The following TNRC18 variants were observed in gnomAD, a reference collection of about 807,000 sequenced individuals.
The protein encoded by TNRC18 is trinucleotide repeat containing 18.
A neutral mutation model predicts 226.7 loss-of-function variants in TNRC18; 69 were observed. The observed-to-expected ratio is 0.30, with a 90% CI of 0.25 to 0.37. The LOEUF (loss-of-function observed/expected upper bound fraction) is 0.37. TNRC18 is among the 10% of genes least tolerant of loss of function. The pLI is 1.00. For missense variants in TNRC18, 4,754 were observed against 4,256.6 expected (o/e 1.12, Z -3.25); for synonymous variants, 2,449 against 1,927.6 (o/e 1.27, Z -7.09).
intron 16 of TNRC18, among the ~76,000 whole-genome samples, chr7:5,353,340 C>G (rs933272285): frequency 1.3e-4 from 20 of 152,088 alleles, no homozygotes; most frequent in African/African-American, 3.4e-4. Flanking sequence ...AGTTCGAGAC[C>G]AGCCTGGCCA....
chr7:5,395,570 G>GGTCACAGGTC (rs1780617909), intron 2 of TNRC18, among the ~76,000 whole-genome samples: 1 of 152,246 alleles, frequency 6.6e-6, no homozygotes, highest in East Asian at 1.9e-4. Context: ...ACAGGTCAGA[G>GGTCACAGGTC]AGAAGCATGC....
intron 27 of TNRC18, among the ~76,000 whole-genome samples, chr7:5,310,341 T>C (rs1002845247): frequency 1.3e-5 from 2 of 152,164 alleles, no homozygotes; most frequent in African/African-American, 2.4e-5. Context: ...GCAGTTCTCC[T>C]GCCTCAGCCT....
chr7:5,367,071 T>C (rs1392591413), intron 11 of TNRC18, among the ~76,000 whole-genome samples: 1 of 152,006 alleles, frequency 6.6e-6, no homozygotes, highest in Non-Finnish European at 1.5e-5. Flanking sequence ...CCTAATAGGG[T>C]GGAGAATTCT....
intron 2 of TNRC18, among the ~76,000 whole-genome samples, chr7:5,416,645 C>T (rs1334125060): frequency 6.6e-6 from 1 of 150,454 alleles, no homozygotes; most frequent in Non-Finnish European, 1.5e-5. Flanking sequence ...CACTTGAGGG[C>T]AGGAGTTTAA....
chr7:5,422,855 A>G (rs1370182755), intron 1 of TNRC18: 1 of 152,138 alleles, frequency 6.6e-6, no homozygotes, highest in Non-Finnish European at 1.5e-5. Flanking sequence ...CCGAGGATAC[A>G]TGTCTTAAGG....
At position 5,388,686 on chromosome 7, in the gene TNRC18, C is replaced by T. The variant is rs1391304010; in HGVS notation, c.1138G>A (p.Ala380Thr). ...VAPTFVPSVE[A>T]FDERPGPIQI... ...ATGGGCCCCGGGCGCTCGTCGAAGG[C>T]CTCCACGGAAGGCACGAAGGTGGGC... The change falls in exon 5 of 30, where the codon GCC (alanine) becomes ACC (threonine). Residue 380 changes from alanine (A) to threonine (T), a missense_variant. Ala to Thr is a moderately conservative substitution (Grantham distance 58). Transcript: ENST00000430969. The T allele has an allele frequency of 1.6e-6, 2 of 1,267,376 alleles. No individual in the cohort carries two copies. The highest frequency in any genetic ancestry group is 2.1e-5 in the South Asian group (1 of 47,700). The allele number at this position is 1,267,376 out of a possible 1,614,324, so 78.5% of individuals were successfully genotyped here.
In TNRC18 at chr7:5,309,879, G is replaced by C. The variant is rs1305838541; in HGVS notation, c.8389-511C>G. Reference sequence around the variant, plus strand: ...TGCCTCCCAAAGCACTAGGATCGCAGTGTCAGCCACTGCACCTGGCCTTAT... The same window carrying C: ...TGCCTCCCAAAGCACTAGGATCGCACTGTCAGCCACTGCACCTGGCCTTAT... On this transcript the variant is annotated intron_variant, in intron 27 of 29. Transcript: ENST00000430969. The surrounding 1 kb of genome is among the most constrained non-coding windows in gnomAD (Gnocchi z 5.7). Among the ~76,000 whole-genome samples, 1 of 152,160 alleles carries C rather than the reference G, an allele frequency of 6.6e-6. No homozygotes were observed. The highest frequency in any genetic ancestry group is 1.9e-4 in the East Asian group (1 of 5,202).
chr7:5,415,369 C>CTTTTTTTTTTTTTTTTTTTTTTTTT, intron 2 of TNRC18, among the ~76,000 whole-genome samples: 1 of 83,094 alleles, frequency 1.2e-5, no homozygotes, highest in Non-Finnish European at 2.2e-5. Context: ...CTGTGTCCCT[C>CTTTTTTTTTTTTTTTTTTTTTTTTT]TTTTTTTTTT....
Position 5,308,918 on chromosome 7 carries a change from G to T in TNRC18, c.8657C>A (p.Pro2886Gln). ...CTGGCTGGAGACCCGCAGGGCCGCC[G>T]GGAGGCTGCGGCTGGACTTCTGGTC... ...HWDQKSSRSL[P>Q]AALRVSSQRK... is the part of the protein sequence containing the mutation. The change falls in exon 29 of 30, where the codon CCG becomes CAG. Residue 2886 changes from proline (P) to glutamine (Q), a missense_variant. Pro to Gln is a moderately conservative substitution (Grantham distance 76). Transcript: ENST00000430969. The T allele has an allele frequency of 7.0e-7, 1 of 1,428,964 alleles. No homozygotes were observed. Among genetic ancestry groups the T allele is most frequent in the Non-Finnish European group, 9.4e-7 (1 of 1,067,652 alleles). The allele number at this position is 1,428,964 out of a possible 1,614,324, so 88.5% of individuals were successfully genotyped here. A position where few individuals can be genotyped will look rare whatever the true frequency, so the allele number is the denominator to read the frequency against.
chr7:5,355,706 C>T lies in TNRC18; in HGVS notation c.5194+1210G>A, dbSNP rs575002293. On this transcript the variant is annotated intron_variant, in intron 16 of 29. Coordinates refer to ENST00000430969, the MANE Select transcript of TNRC18 (RefSeq NM_001080495.3). ...CCAGCCTGGGAAACACTGCAAGACC[C>T]TGTCTCTACAAAAAATTTTAAAAAT... 1.7e-3 allele frequency among the ~76,000 whole-genome samples: 257 copies of T among 152,184 alleles called. 1 individual carries two copies. Among genetic ancestry groups the T allele is most frequent in the African/African-American group, 5.6e-3 (231 of 41,530 alleles).
At chr7:5,389,543 C>T in intron 4 of TNRC18, 2 of 491,278 alleles carry the variant, frequency 4.1e-6, no homozygotes, top group Non-Finnish European at 6.0e-6. Flanking sequence ...CAACCTCCAC[C>T]TCCTGGGTTC....
rs114222264 is a variant in TNRC18, at chr7:5,313,100, G to C, written c.7791C>G (p.Thr2597=). 2.2e-6 allele frequency: 3 copies of C among 1,392,752 alleles called. No individual in the cohort carries two copies. Among genetic ancestry groups the C allele is most frequent in the Non-Finnish European group, 3.0e-6 (3 of 1,014,120 alleles). The allele number at this position is 1,392,752 out of a possible 1,614,324, so 86.3% of individuals were successfully genotyped here. Residue 2597 remains threonine (T), a synonymous_variant, in exon 27 of 30, where the codon ACC becomes ACG. Coordinates refer to ENST00000430969, the MANE Select transcript of TNRC18 (RefSeq NM_001080495.3). The part of the protein sequence containing the change: ...GDKNGDGGCG[T]GGRNCSAASS... Reference sequence around the variant, plus strand: ...TGGCAGCGCTGCAGTTACGGCCCCCGGTGCCGCAGCCCCCGTCCCCGTTCT... The same window carrying C: ...TGGCAGCGCTGCAGTTACGGCCCCCCGTGCCGCAGCCCCCGTCCCCGTTCT...
intron 1 of TNRC18, among the ~76,000 whole-genome samples, chr7:5,421,902 G>A (rs898460468): frequency 2.0e-5 from 3 of 149,084 alleles, no homozygotes; most frequent in African/African-American, 7.8e-5. Context: ...ACGGTCCGAA[G>A]TGTCTCCCAA....
At chr7:5,418,632 A>T (rs1050347350) in intron 2 of TNRC18, among the ~76,000 whole-genome samples, 1 of 152,230 alleles carries the variant, frequency 6.6e-6, no homozygotes, top group African/African-American at 2.4e-5. Context: ...TCAACCGCTC[A>T]GGACTTCCCG....
chr7:5,395,005 G>A (rs912932236), intron 2 of TNRC18, among the ~76,000 whole-genome samples: 1 of 152,194 alleles, frequency 6.6e-6, no homozygotes, highest in African/African-American at 2.4e-5. Flanking sequence ...AAGGCGGTGG[G>A]GGACTTACAG....
At chr7:5,417,374 G>A (rs1277022875) in intron 2 of TNRC18, among the ~76,000 whole-genome samples, 3 of 151,464 alleles carry the variant, frequency 2.0e-5, no homozygotes, top group Non-Finnish European at 4.4e-5. Context: ...GGAGGCTGAG[G>A]TAGGAGGATG....
chr7:5,332,997 C>T lies in TNRC18; in HGVS notation c.5772G>A (p.Arg1924=). 1 of 1,575,116 alleles carries T rather than the reference C, an allele frequency of 6.3e-7. No homozygotes were observed. The highest frequency in any genetic ancestry group is 1.1e-5 in the South Asian group (1 of 87,182). Residue 1924 remains arginine (R), a synonymous_variant, in exon 19 of 30, where the codon CGG becomes CGA. Coordinates refer to ENST00000430969, the MANE Select transcript of TNRC18 (RefSeq NM_001080495.3). The stretch of plus-strand genomic sequence containing the variant: ...TGGGCCGCAGCAGCCCCGCAGGCGA[C>T]CGCTTGCGCACCTTGACCTCGCTCT... ...DSESEVKVRK[R]SPAGLLRPKK... is the part of the protein sequence containing the mutation.
chr7:5,422,008 T>A (rs1562652643), intron 1 of TNRC18, among the ~76,000 whole-genome samples: 1 of 152,082 alleles, frequency 6.6e-6, no homozygotes, highest in Non-Finnish European at 1.5e-5. Flanking sequence ...GAGCTCGCCT[T>A]GAACCGCCGA....
intron 19 of TNRC18, among the ~76,000 whole-genome samples, chr7:5,330,970 C>G (rs937186373): frequency 2.0e-5 from 3 of 152,102 alleles, no homozygotes; most frequent in Admixed American, 6.6e-5. Context: ...CCACCGTGCC[C>G]GGCTGAATCA....
Sources: allele counts gnomAD v4.1 joint callset (sites outside exome capture counted in the v4.1 genomes callset), GRCh38; gene constraint gnomAD v4.1.1; non-coding constraint Gnocchi (gnomAD v3.1); transcripts MANE v1.5; gene names NCBI Gene and HGNC (gene_info 2026-07-23, HGNC 2026-07-21).